PCDHGA1: variants seen among roughly 807,000 people sequenced by gnomAD.
PCDHGA1 encodes protocadherin gamma subfamily A, 1.
A neutral mutation model predicts 58.0 loss-of-function variants in PCDHGA1; 32 were observed. The ratio of observed to expected loss-of-function variants is 0.55; its 90% CI spans 0.42 to 0.74. The LOEUF is 0.74. Ranked by LOEUF, PCDHGA1 falls within the 30% of genes least tolerant of loss-of-function variation. PCDHGA1 has a pLI of 0.00. For synonymous variants in PCDHGA1, 498 were observed against 501.1 expected, an observed-to-expected ratio of 0.99 and a Z score of 0.08; for missense variants, 1,205 against 1,182.3, an observed-to-expected ratio of 1.02 and a Z score of -0.28.
At position 141,505,383 on chromosome 5, in the gene PCDHGA1, C is replaced by G. The variant is rs369765886; in HGVS notation, c.2481-10C>G. On this transcript the variant is annotated splice_polypyrimidine_tract_variant and intron_variant, in intron 2 of 3. Transcript: ENST00000517417. ...GGGAGTCTGTGCTCACCATCCTACT[C>G]TCTCCCCAGCTCCCAAAATGGCGAT... The G allele has an allele frequency of 6.2e-7, 1 of 1,613,944 alleles. No homozygotes were observed. The highest frequency in any genetic ancestry group is 1.3e-5 in the African/African-American group (1 of 74,914).
chr5:141,506,304 C>A (rs569926873), intron 3 of PCDHGA1, among the ~76,000 whole-genome samples: 3 of 152,078 alleles, frequency 2.0e-5, no homozygotes, highest in Non-Finnish European at 4.4e-5. Context: ...CAAAAATTAG[C>A]TGGGCATGGT....
chr5:141,332,551 A>G lies in PCDHGA1; in HGVS notation c.1867A>G (p.Thr623Ala). ...EPGLFSVGLH[T>A]GEVRTARALL... ...GGGACTCTTCTCGGTGGGTCTGCACACGGGCGAGGTGCGCACGGCGCGAGC... is the reference window on the plus strand; with the variant it reads ...GGGACTCTTCTCGGTGGGTCTGCACGCGGGCGAGGTGCGCACGGCGCGAGC... Residue 623 changes from threonine to alanine, a missense_variant, in exon 1 of 4, where the codon ACG (threonine) becomes GCG (alanine). By Grantham distance (58) the Thr-to-Ala change is moderately conservative. Transcript: ENST00000517417. This position sits in a 1 kb window ranked among gnomAD's most constrained non-coding sequence, Gnocchi z 4.6. The G allele has an allele frequency of 2.5e-6, 4 of 1,611,256 alleles. No individual in the cohort carries two copies. Among genetic ancestry groups the G allele is most frequent in the Non-Finnish European group, 3.4e-6 (4 of 1,179,446 alleles).
chr5:141,448,955 A>G (rs929888928), intron 1 of PCDHGA1, among the ~76,000 whole-genome samples: 1 of 152,174 alleles, frequency 6.6e-6, no homozygotes. Flanking sequence ...AAAAAAACAA[A>G]CAAACAAACA....
intron 1 of PCDHGA1, chr5:141,371,832 G>T (rs765040359): frequency 6.2e-7 from 1 of 1,613,780 alleles, no homozygotes. Flanking sequence ...CTCGGATCCC[G>T]ACTTGGGACC....
At chr5:141,447,768 T>C (rs1392134454) in intron 1 of PCDHGA1, among the ~76,000 whole-genome samples, 1 of 152,212 alleles carries the variant, frequency 6.6e-6, no homozygotes, top group East Asian at 1.9e-4. Context: ...ATATAAATTA[T>C]ACTTTAATTG....
chr5:141,445,361 G>A (rs2098464750), intron 1 of PCDHGA1, among the ~76,000 whole-genome samples: 2 of 152,138 alleles, frequency 1.3e-5, no homozygotes, highest in African/African-American at 4.8e-5. Context: ...GCCCAAGTCT[G>A]GTCCTGGGTG....
chr5:141,424,134 A>G (rs1255504512), intron 1 of PCDHGA1: 7 of 444,220 alleles, frequency 1.6e-5, no homozygotes, highest in Non-Finnish European at 2.2e-5. Context: ...TTGATTTAAT[A>G]GCATGCTCCC....
At chr5:141,342,887 T>C (rs1757223099) in intron 1 of PCDHGA1, 1 of 152,214 alleles carries the variant, frequency 6.6e-6, no homozygotes, top group Admixed American at 6.5e-5. Flanking sequence ...ACAGTCTAGA[T>C]TTAAACAAAG....
Position 141,489,978 on chromosome 5 carries a change from T to C in PCDHGA1, c.2422-4829T>C. 6.2e-7 allele frequency: 1 copy of C among 1,614,192 alleles called. No homozygotes were observed. Among genetic ancestry groups the C allele is most frequent in the Non-Finnish European group, 8.5e-7 (1 of 1,180,012 alleles). On this transcript the variant is annotated intron_variant, in intron 1 of 3. Coordinates refer to ENST00000517417, the MANE Select transcript of PCDHGA1 (RefSeq NM_018912.3). The surrounding 1 kb of genome is among the most constrained non-coding windows in gnomAD (Gnocchi z 4.5). ...ATGCTCCAACCTTCCAATCCTCAGT[T>C]CTACGTGTGGGAATCCCAGAGAATG...
At chr5:141,340,802 G>A (rs1756985576) in intron 1 of PCDHGA1, 1 of 1,613,740 alleles carries the variant, frequency 6.2e-7, no homozygotes, top group South Asian at 1.1e-5. Flanking sequence ...CCTGCTCAAG[G>A]CCAGCGAGCC....
chr5:141,384,998 T>A, intron 1 of PCDHGA1: 1 of 1,614,130 alleles, frequency 6.2e-7, no homozygotes, highest in East Asian at 2.2e-5. Flanking sequence ...GTGGCCACAG[T>A]CTCCTGCGTC....
rs187188383 is a variant in PCDHGA1 at position 141,337,950 on chromosome 5, T to C, written c.2421+4845T>C. On this transcript the variant is annotated intron_variant, in intron 1 of 3. Transcript: ENST00000517417. The stretch of plus-strand genomic sequence containing the variant: ...CAAATAGACCTGCTTTCTGTTTCTG[T>C]AATGTTCCATGCTGTCTCTTACCTT... Among the ~76,000 whole-genome samples the C allele has an allele frequency of 5.1e-3, 777 of 152,342 alleles. 6 individuals are homozygous for C. Among genetic ancestry groups the C allele is most frequent in the African/African-American group, 0.017 (699 of 41,576 alleles).
At chr5:141,452,354 G>C (rs2154563893) in intron 1 of PCDHGA1, among the ~76,000 whole-genome samples, 1 of 152,240 alleles carries the variant, frequency 6.6e-6, no homozygotes, top group Non-Finnish European at 1.5e-5. Flanking sequence ...TTATCCAAAA[G>C]CCTTGCTTCA....
intron 1 of PCDHGA1, chr5:141,385,071 G>T (rs1325191501): frequency 6.2e-7 from 1 of 1,614,088 alleles, no homozygotes; most frequent in Non-Finnish European, 8.5e-7. Flanking sequence ...AGTCACGCCT[G>T]CTGCAGGCTT....
rs1261694629 is a variant in PCDHGA1, at chr5:141,355,817, C to T, written c.2421+22712C>T. 9.9e-6 allele frequency: 16 copies of T among 1,612,766 alleles called. No homozygotes were observed. Among genetic ancestry groups the T allele is most frequent in the African/African-American group, 5.3e-5 (4 of 74,906 alleles). On this transcript the variant is annotated intron_variant, in intron 1 of 3. Coordinates refer to ENST00000517417, the MANE Select transcript of PCDHGA1 (RefSeq NM_018912.3). ...CGCGCTCTAGATCGCGAGGAAGAGGCGGTTCACCACCTCGTTCTCACGGCC... is the reference window on the plus strand; with the variant it reads ...CGCGCTCTAGATCGCGAGGAAGAGGTGGTTCACCACCTCGTTCTCACGGCC...
chr5:141,417,112 G>T (rs1399534957), intron 1 of PCDHGA1: 3 of 152,030 alleles, frequency 2.0e-5, no homozygotes, highest in African/African-American at 7.3e-5. Flanking sequence ...AGCAATACAG[G>T]ACACCCTGGA....
intron 1 of PCDHGA1, among the ~76,000 whole-genome samples, chr5:141,362,919 G>A (rs1391703031): frequency 6.6e-6 from 1 of 152,202 alleles, no homozygotes; most frequent in East Asian, 1.9e-4. Flanking sequence ...ATACTTCAGA[G>A]TAAAGAGAGT....
intron 1 of PCDHGA1, chr5:141,383,860 G>A: frequency 6.2e-7 from 1 of 1,613,926 alleles, no homozygotes; most frequent in Non-Finnish European, 8.5e-7. Flanking sequence ...GGAGGTTCAG[G>A]CTCAAGATGG....
At chr5:141,441,527 A>G (rs2098252922) in intron 1 of PCDHGA1, 2 of 173,076 alleles carry the variant, frequency 1.2e-5, no homozygotes, top group African/African-American at 2.4e-5. Flanking sequence ...GTGGCCAAGA[A>G]CAATCTTCCC....
Sources: gnomAD v4.1 joint callset for allele counts (sites outside exome capture counted in the v4.1 genomes callset) on GRCh38, gnomAD v4.1.1 for gene constraint, Gnocchi (gnomAD v3.1) non-coding constraint, MANE v1.5 for transcripts, NCBI Gene and HGNC (gene_info 2026-07-23, HGNC 2026-07-21) for gene names.